Variants in BRINP3 observed in about 807,000 individuals in gnomAD.
BRINP3 encodes the protein BMP/retinoic acid-inducible neural-specific protein 3.
In BRINP3, 19 loss-of-function variants were observed where a neutral mutation model predicts 71.0. The observed-to-expected ratio is 0.27, with a 90% CI of 0.19 to 0.39. The LOEUF is 0.39. BRINP3 is among the 10% of genes least tolerant of loss of function. The pLI is 1.00. For synonymous variants in BRINP3, 380 were observed against 337.7 expected (o/e 1.13, Z -1.37); for missense variants, 959 against 940.8 (o/e 1.02, Z -0.25).
intron 6 of BRINP3, among the ~76,000 whole-genome samples, chr1:190,173,422 A>T (rs1652201745): frequency 6.6e-6 from 1 of 152,194 alleles, no homozygotes; most frequent in African/African-American, 2.4e-5. Flanking sequence ...CCAAAGCTGG[A>T]GCAGCCACAC....
chr1:190,370,531 C>T (rs1265897028), intron 2 of BRINP3, among the ~76,000 whole-genome samples: 2 of 152,110 alleles, frequency 1.3e-5, no homozygotes, highest in Admixed American at 6.6e-5. Context: ...AAATTACTAT[C>T]CAATACAGAA....
At chr1:190,388,126 A>G (rs907126640) in intron 2 of BRINP3, among the ~76,000 whole-genome samples, 1 of 151,866 alleles carries the variant, frequency 6.6e-6, no homozygotes, top group African/African-American at 2.4e-5. Context: ...AACATAACTT[A>G]GCATAAATGA....
intron 2 of BRINP3, among the ~76,000 whole-genome samples, chr1:190,438,701 T>C (rs1674626532): frequency 6.6e-6 from 1 of 151,864 alleles, no homozygotes; most frequent in South Asian, 2.1e-4. Context: ...GTTTGAGATA[T>C]GTGCTGTGTC....
chr1:190,238,050 G>A (rs1225325652), intron 4 of BRINP3, among the ~76,000 whole-genome samples: 1 of 151,984 alleles, frequency 6.6e-6, no homozygotes, highest in Non-Finnish European at 1.5e-5. Context: ...ATTTGTTACT[G>A]ATACCTGCAT....
intron 4 of BRINP3, among the ~76,000 whole-genome samples, chr1:190,245,640 A>G (rs1204174388): frequency 1.3e-5 from 2 of 152,118 alleles, no homozygotes; most frequent in East Asian, 3.9e-4. Context: ...TTTAGGGTAC[A>G]TGTGCACAAC....
intron 6 of BRINP3, among the ~76,000 whole-genome samples, chr1:190,179,602 T>G (rs992187080): frequency 6.6e-6 from 1 of 152,162 alleles, no homozygotes; most frequent in Non-Finnish European, 1.5e-5. Context: ...TTATTTTAAA[T>G]TATTAAAATG....
At chr1:190,222,091 T>C (rs1291270935) in intron 6 of BRINP3, among the ~76,000 whole-genome samples, 1 of 151,934 alleles carries the variant, frequency 6.6e-6, no homozygotes, top group Non-Finnish European at 1.5e-5. Flanking sequence ...TAACAAAACA[T>C]TTCACCCAAC....
chr1:190,269,289 C>T (rs1359916180), intron 3 of BRINP3, among the ~76,000 whole-genome samples: 1 of 151,966 alleles, frequency 6.6e-6, no homozygotes, highest in African/African-American at 2.4e-5. Flanking sequence ...AAACTCCAAA[C>T]AGATTAGAGA....
At chr1:190,356,572 T>A (rs1668745210) in intron 2 of BRINP3, among the ~76,000 whole-genome samples, 1 of 151,962 alleles carries the variant, frequency 6.6e-6, no homozygotes, top group African/African-American at 2.4e-5. Context: ...ACTTTCCCTC[T>A]CTTATCTCTG....
intron 2 of BRINP3, among the ~76,000 whole-genome samples, chr1:190,396,849 C>A (rs947890705): frequency 6.7e-6 from 1 of 148,606 alleles, no homozygotes; most frequent in African/African-American, 2.5e-5. Context: ...AAAGGACAAC[C>A]AAATTGATGT....
At chr1:190,414,226 T>C (rs112245277) in intron 2 of BRINP3, among the ~76,000 whole-genome samples, 78 of 152,282 alleles carry the variant, frequency 5.1e-4, no homozygotes, top group African/African-American at 1.9e-3. Context: ...TAAAGTGGCA[T>C]AGTCAGAGTT....
chr1:190,262,765 T>C (rs1661299012), intron 4 of BRINP3, among the ~76,000 whole-genome samples: 1 of 152,188 alleles, frequency 6.6e-6, no homozygotes, highest in Admixed American at 6.6e-5. Context: ...TGTCACTTCT[T>C]TGGGACTCGT....
chr1:190,142,522 G>C (rs1267710929), intron 7 of BRINP3, among the ~76,000 whole-genome samples: 1 of 152,008 alleles, frequency 6.6e-6, no homozygotes, highest in Non-Finnish European at 1.5e-5. Flanking sequence ...CGTGTGTATT[G>C]ATCTCTGTTT....
intron 5 of BRINP3, 99 bp from the exon 6 acceptor site, chr1:190,226,417 G>T: frequency 1.6e-6 from 1 of 630,296 alleles, no homozygotes; most frequent in Non-Finnish European, 2.5e-6. Flanking sequence ...ATAATTTAGT[G>T]TATTAAATTT....
intron 4 of BRINP3, among the ~76,000 whole-genome samples, chr1:190,263,212 C>T (rs1418530053): frequency 6.6e-6 from 1 of 152,104 alleles, no homozygotes; most frequent in Non-Finnish European, 1.5e-5. Flanking sequence ...CCTCAGCAAC[C>T]ACAAGCTAAG....
intron 2 of BRINP3, among the ~76,000 whole-genome samples, chr1:190,300,300 T>C (rs1339480631): frequency 6.6e-6 from 1 of 152,184 alleles, no homozygotes; most frequent in Non-Finnish European, 1.5e-5. Context: ...TTCATTCATT[T>C]CATCTTCCAT....
At chr1:190,296,244 A>T (rs1044171551) in intron 2 of BRINP3, among the ~76,000 whole-genome samples, 3 of 58,654 alleles carry the variant, frequency 5.1e-5, no homozygotes, top group Admixed American at 2.3e-4. Flanking sequence ...AAAAAAAAAC[A>T]TGGGATGTAA....
At chr1:190,473,966 C>T (rs1677327669) in intron 1 of BRINP3, among the ~76,000 whole-genome samples, 1 of 151,490 alleles carries the variant, frequency 6.6e-6, no homozygotes, top group South Asian at 2.1e-4. Context: ...ACAGTTCTCT[C>T]GAGTAGTCAG....
Position 190,098,725 on chromosome 1 carries a change from G to C in BRINP3, c.1594C>G (p.Arg532Gly). Residue 532 changes from arginine (R) to glycine (G), a missense_variant, in exon 8 of 8, where the codon CGG becomes GGG. Arg to Gly is a moderately radical substitution (Grantham distance 125). Coordinates refer to ENST00000367462, the MANE Select transcript of BRINP3 (RefSeq NM_199051.3). ...NSWFDPSWRK[R>G]MLLTLKSNKY... ...TTGCTCTTCAAGGTGAGGAGCATCC[G>C]CTTACGCCAGGAGGGATCAAACCAG... is the stretch of plus-strand genomic sequence containing the variant. 1 of 1,614,198 alleles carries C rather than the reference G, an allele frequency of 6.2e-7. No homozygotes were observed. Among genetic ancestry groups the C allele is most frequent in the Non-Finnish European group, 8.5e-7 (1 of 1,180,034 alleles).
Sources: allele counts gnomAD v4.1 joint callset (sites outside exome capture counted in the v4.1 genomes callset), GRCh38; gene constraint gnomAD v4.1.1; transcripts MANE v1.5; gene names NCBI Gene and HGNC (gene_info 2026-07-23, HGNC 2026-07-21).